NRG3: variants seen among roughly 807,000 people sequenced by gnomAD.
NRG3 encodes the protein pro-neuregulin-3, membrane-bound isoform.
In NRG3, 31 loss-of-function variants were observed where a neutral mutation model predicts 66.9. That is an observed-to-expected ratio of 0.46 (90% CI 0.35 to 0.63). The LOEUF is 0.63. Ranked by LOEUF, NRG3 falls within the 20% of genes least tolerant of loss-of-function variation. NRG3 has a pLI of 0.00. For synonymous variants in NRG3, 393 were observed against 359.4 expected, an observed-to-expected ratio of 1.09 and a Z score of -1.06; for missense variants, 910 against 878.9, an observed-to-expected ratio of 1.04 and a Z score of -0.45.
rs183890399 is a variant in NRG3, at chr10:82,281,643, C to G, written c.824-77096C>G. Among the ~76,000 whole-genome samples, 7 of 152,252 alleles carry G rather than the reference C, an allele frequency of 4.6e-5. No homozygotes were observed. The East Asian group carries it at 1.4e-3, about 30-fold the overall frequency. ...AGTGGCTCCTGTAATTGAGTCCTGA[C>G]AGTGAATCTAAATTCCATTTTACAC... On this transcript the variant is annotated intron_variant, in intron 1 of 8. Coordinates refer to ENST00000372141, the MANE Select transcript of NRG3 (RefSeq NM_001010848.4).
intron 3 of NRG3, among the ~76,000 whole-genome samples, chr10:82,749,369 C>T (rs1402577914): frequency 6.6e-6 from 1 of 151,952 alleles, no homozygotes; most frequent in African/African-American, 2.4e-5. Context: ...TGTCTCGTGG[C>T]CATGGCTACC....
intron 1 of NRG3, among the ~76,000 whole-genome samples, chr10:82,005,166 T>C (rs1303024332): frequency 6.6e-6 from 1 of 152,162 alleles, no homozygotes; most frequent in Non-Finnish European, 1.5e-5. Context: ...TTTCCAAGTG[T>C]TGTTTCCTTG....
At chr10:82,039,625 C>T (rs1177791301) in intron 1 of NRG3, among the ~76,000 whole-genome samples, 1 of 152,104 alleles carries the variant, frequency 6.6e-6, no homozygotes, top group Non-Finnish European at 1.5e-5. Flanking sequence ...TCATTAATTG[C>T]TACTTAGCTT....
chr10:82,570,082 A>G (rs679571), intron 2 of NRG3, among the ~76,000 whole-genome samples: 88,159 of 151,044 alleles, frequency 0.58, 28,283 homozygotes, highest in African/African-American at 0.85. Context: ...ATTAATGAGA[A>G]TCTAAGCCAA....
intron 2 of NRG3, among the ~76,000 whole-genome samples, chr10:82,435,599 C>T (rs1191034378): frequency 6.6e-6 from 1 of 151,900 alleles, no homozygotes; most frequent in Non-Finnish European, 1.5e-5. Context: ...TATATATTTC[C>T]CTCTTAACAC....
At chr10:81,914,095 T>C (rs1845440115) in intron 1 of NRG3, among the ~76,000 whole-genome samples, 2 of 152,190 alleles carry the variant, frequency 1.3e-5, no homozygotes, top group African/African-American at 4.8e-5. Flanking sequence ...CACCTCTGCA[T>C]GCACAGCAGT....
At chr10:82,549,586 T>G (rs2044167706) in intron 2 of NRG3, among the ~76,000 whole-genome samples, 1 of 152,178 alleles carries the variant, frequency 6.6e-6, no homozygotes, top group South Asian at 2.1e-4. Context: ...TATTACACTC[T>G]AAAATAGCTA....
chr10:82,548,068 A>G, intron 2 of NRG3, among the ~76,000 whole-genome samples: 1 of 147,058 alleles, frequency 6.8e-6, no homozygotes, highest in African/African-American at 2.5e-5. Flanking sequence ...TAAATCATGG[A>G]AGGAATTCTA....
chr10:82,276,197 A>G (rs2078840248), intron 1 of NRG3, among the ~76,000 whole-genome samples: 1 of 152,026 alleles, frequency 6.6e-6, no homozygotes, highest in African/African-American at 2.4e-5. Flanking sequence ...GAATTCCTAT[A>G]TAAATCTATT....
intron 2 of NRG3, among the ~76,000 whole-genome samples, chr10:82,623,242 G>A (rs954855436): frequency 2.0e-5 from 3 of 152,104 alleles, no homozygotes; most frequent in African/African-American, 7.2e-5. Context: ...AGGACTTAAG[G>A]ATTCTGAAGC....
At chr10:82,138,517 G>C (rs1439371232) in intron 1 of NRG3, among the ~76,000 whole-genome samples, 1 of 152,080 alleles carries the variant, frequency 6.6e-6, no homozygotes. Context: ...AAGTGTATTA[G>C]TCAGGTTCTC....
intron 4 of NRG3, among the ~76,000 whole-genome samples, chr10:82,893,481 A>G (rs906652237): frequency 6.6e-6 from 1 of 152,182 alleles, no homozygotes; most frequent in African/African-American, 2.4e-5. Flanking sequence ...CGAGGTCAGG[A>G]GATCGAGACC....
intron 2 of NRG3, among the ~76,000 whole-genome samples, chr10:82,459,296 T>C (rs1025694723): frequency 6.6e-6 from 1 of 152,172 alleles, no homozygotes; most frequent in East Asian, 1.9e-4. Context: ...CTACTTCAGG[T>C]TTCTCTACAG....
chr10:82,078,204 G>T (rs2065197973), intron 1 of NRG3, among the ~76,000 whole-genome samples: 1 of 152,042 alleles, frequency 6.6e-6, no homozygotes, highest in Admixed American at 6.6e-5. Context: ...TCACTTTTAG[G>T]TCATGGAGGA....
Position 82,651,014 on chromosome 10 carries a change from A to AATCTAT in NRG3, c.954-87561_954-87556dup, listed in dbSNP as rs563015085. Among the ~76,000 whole-genome samples the AATCTAT allele has an allele frequency of 3.4e-4, 52 of 152,340 alleles. 1 individual carries two copies. The East Asian group carries it at 9.7e-3, about 28-fold the overall frequency. Reference sequence around the variant, plus strand: ...GCTTTAGCTCAAGTTTGCATACAAAAATCTATAAGTGATGGAAGCATATAA... The same window carrying AATCTAT: ...GCTTTAGCTCAAGTTTGCATACAAAAATCTATATCTATAAGTGATGGAAGCATATAA... On this transcript the variant is annotated intron_variant, in intron 2 of 8. Transcript: ENST00000372141.
chr10:82,514,057 G>C (rs1409218108), intron 2 of NRG3, among the ~76,000 whole-genome samples: 1 of 152,042 alleles, frequency 6.6e-6, no homozygotes, highest in East Asian at 1.9e-4. Flanking sequence ...CCTGTAATTT[G>C]TTTAAGTTCC....
rs147411711 is a variant in NRG3 at position 82,827,393 on chromosome 10, C to T, written c.1028-38018C>T. Among the ~76,000 whole-genome samples the T allele has an allele frequency of 1.2e-3, 178 of 152,234 alleles. 4 individuals carry two copies. In the East Asian group the frequency reaches 0.03, roughly 25 times the overall value. On this transcript the variant is annotated intron_variant, in intron 3 of 8. Coordinates refer to ENST00000372141, the MANE Select transcript of NRG3 (RefSeq NM_001010848.4). ...AGTCTTTCTCTTGCTGAGAGAGGAC[C>T]TGCCTGCAGCAACTCCTAGGAAGGC...
At chr10:82,262,184 A>G (rs2134213643) in intron 1 of NRG3, among the ~76,000 whole-genome samples, 1 of 152,346 alleles carries the variant, frequency 6.6e-6, no homozygotes, top group South Asian at 2.1e-4. Context: ...GGACTAATAC[A>G]GTAGTCATCA....
chr10:82,844,097 T>C (rs1177997187), intron 3 of NRG3, among the ~76,000 whole-genome samples: 2 of 152,142 alleles, frequency 1.3e-5, no homozygotes, highest in Non-Finnish European at 2.9e-5. Flanking sequence ...GGAATTTAAA[T>C]GAAATTCCTG....
Sources: allele counts gnomAD v4.1 joint callset (sites outside exome capture counted in the v4.1 genomes callset), GRCh38; gene constraint gnomAD v4.1.1; transcripts MANE v1.5; gene names NCBI Gene and HGNC (gene_info 2026-07-23, HGNC 2026-07-21).